The following KIF13A variants were observed in gnomAD, a reference collection of about 807,000 sequenced individuals.
KIF13A encodes kinesin-like protein KIF13A.
A neutral mutation model predicts 212.2 loss-of-function variants in KIF13A; 79 were observed. That is an observed-to-expected ratio of 0.37 (90% confidence interval 0.31 to 0.45). KIF13A has a LOEUF of 0.45. KIF13A is among the 20% of genes least tolerant of loss of function. The pLI is 1.00. For synonymous variants in KIF13A, 789 were observed against 808.6 expected, an observed-to-expected ratio of 0.98 and a Z score of 0.41; for missense variants, 1,901 against 2,209.0, an observed-to-expected ratio of 0.86 and a Z score of 2.79.
At chr6:17,965,531 T>C (rs760740449) in intron 2 of KIF13A, among the ~76,000 whole-genome samples, 5 of 152,252 alleles carry the variant, frequency 3.3e-5, no homozygotes, top group Non-Finnish European at 5.9e-5. Context: ...TAGCTTTTAC[T>C]GAGTCAAAAG....
chr6:17,770,761 T>C, intron 38 of KIF13A: 2 of 980,896 alleles, frequency 2.0e-6, no homozygotes, highest in African/African-American at 1.7e-5. Flanking sequence ...GTAAGTGCAC[T>C]TCCTCTAGGT....
intron 3 of KIF13A, among the ~76,000 whole-genome samples, chr6:17,894,601 A>G (rs544521630): frequency 1.8e-4 from 28 of 152,210 alleles, no homozygotes; most frequent in Non-Finnish European, 3.7e-4. Flanking sequence ...TACTGTTAAG[A>G]ATTGTTTCCC....
chr6:17,799,915 G>A lies in KIF13A; in HGVS notation c.2616+37C>T, dbSNP rs371578372. The A allele has an allele frequency of 1.1e-5, 17 of 1,583,838 alleles. 1 individual carries two copies. Among genetic ancestry groups the A allele is most frequent in the South Asian group, 5.8e-5 (5 of 86,524 alleles). The stretch of plus-strand genomic sequence containing the variant: ...TTGTAAAATGGTTTTGCATGAAAAA[G>A]GTCATTTATATGAGCCTCCCATCAC... On this transcript the variant is annotated intron_variant, in intron 21 of 38. Transcript: ENST00000259711. The surrounding 1 kb of genome is among the most constrained non-coding windows in gnomAD (Gnocchi z 4.4).
chr6:17,809,021 A>C lies in KIF13A; in HGVS notation c.2001-91T>G. 1.7e-6 allele frequency: 2 copies of C among 1,192,130 alleles called. No individual in the cohort carries two copies. The highest frequency in any genetic ancestry group is 2.7e-5 in the East Asian group (1 of 37,304). 73.8% of individuals were successfully genotyped at this position (1,192,130 alleles called of 1,614,324 possible). ...GCATCTTATTAGAAAATGGGAGAAA[A>C]CTCCTCTCGGGCAGTATTTTTCAAA... On this transcript the variant is annotated intron_variant, in intron 17 of 38. Transcript: ENST00000259711. The surrounding 1 kb of genome is among the most constrained non-coding windows in gnomAD (Gnocchi z 4.7).
rs1766148855 is a variant in KIF13A, at chr6:17,838,116, G to A, written c.831-533C>T. Among the ~76,000 whole-genome samples the A allele has an allele frequency of 6.6e-6, 1 of 152,002 alleles. No individual in the cohort carries two copies. Among genetic ancestry groups the A allele is most frequent in the Non-Finnish European group, 1.5e-5 (1 of 68,006 alleles). On this transcript the variant is annotated intron_variant, in intron 9 of 38. Coordinates refer to ENST00000259711, the MANE Select transcript of KIF13A (RefSeq NM_022113.6). This position sits in a 1 kb window ranked among gnomAD's most constrained non-coding sequence, Gnocchi z 4.2. ...TGGATCATGAGGTCAGGGGTCAGGA[G>A]ATCAAGACCATCCTGGCCAACATGG...
At chr6:17,778,102 C>T (rs999900001) in intron 33 of KIF13A, among the ~76,000 whole-genome samples, 42 of 152,152 alleles carry the variant, frequency 2.8e-4, no homozygotes, top group African/African-American at 1.0e-3. Flanking sequence ...TGTGCCACTG[C>T]ACTCCAGCCT....
At chr6:17,890,430 T>C (rs78672372) in intron 3 of KIF13A, among the ~76,000 whole-genome samples, 10 of 152,194 alleles carry the variant, frequency 6.6e-5, no homozygotes, top group Admixed American at 5.2e-4. Context: ...CACCTGGGGA[T>C]GCAGAAACTG....
In KIF13A at chr6:17,987,372, C is replaced by A; in HGVS notation, c.55+37G>T. 7.6e-7 allele frequency: 1 copy of A among 1,323,524 alleles called. No homozygotes were observed. Among genetic ancestry groups the A allele is most frequent in the East Asian group, 4.9e-5 (1 of 20,216 alleles). 82.0% of individuals were successfully genotyped at this position (1,323,524 alleles called of 1,614,324 possible). Reference sequence around the variant, plus strand: ...TTTCTAAAGTTGCCCCCGCCCTCAGCCCGAGCAGAAATAAAAAAGAGCGGA... The same window carrying A: ...TTTCTAAAGTTGCCCCCGCCCTCAGACCGAGCAGAAATAAAAAAGAGCGGA... On this transcript the variant is annotated intron_variant, in intron 1 of 38. Coordinates refer to ENST00000259711, the MANE Select transcript of KIF13A (RefSeq NM_022113.6). The surrounding 1 kb of genome is among the most constrained non-coding windows in gnomAD (Gnocchi z 7.7).
rs752129137 is a variant in KIF13A, at chr6:17,886,652, T to C, written c.159+11516A>G. 2.6e-5 allele frequency among the ~76,000 whole-genome samples: 4 copies of C among 152,046 alleles called. No individual in the cohort carries two copies. Among genetic ancestry groups the C allele is most frequent in the Non-Finnish European group, 4.4e-5 (3 of 68,014 alleles). On this transcript the variant is annotated intron_variant, in intron 3 of 38. Coordinates refer to ENST00000259711, the MANE Select transcript of KIF13A (RefSeq NM_022113.6). This position sits in a 1 kb window ranked among gnomAD's most constrained non-coding sequence, Gnocchi z 5.6. The stretch of plus-strand genomic sequence containing the variant: ...TGAGAACATTTGGTTCTGAACAAAG[T>C]CGGGCAGAAGGAAAGGGGAGAGTAG...
At position 17,871,528 on chromosome 6, in the gene KIF13A, TG is replaced by T. The variant is rs1191471404; in HGVS notation, c.220+1848del. Among the ~76,000 whole-genome samples, 1 of 152,106 alleles carries T rather than the reference TG, an allele frequency of 6.6e-6. No homozygotes were observed. Among genetic ancestry groups the T allele is most frequent in the East Asian group, 1.9e-4 (1 of 5,194 alleles). On this transcript the variant is annotated intron_variant, in intron 4 of 38. Transcript: ENST00000259711. This position sits in a 1 kb window ranked among gnomAD's most constrained non-coding sequence, Gnocchi z 4.4. Reference sequence around the variant, plus strand: ...GGCTTCATGGGCTGCACACACACAGTGGGTTGGGGGGGGAGTCATGAATACT... The same window carrying T: ...GGCTTCATGGGCTGCACACACACAGTGGTTGGGGGGGGAGTCATGAATACT...
rs1346740921 is a variant in KIF13A, at chr6:17,787,961, A to G, written c.3262-86T>C. ...CTTTTTTTAAAAGATGTTTAAATCAACTAGGAAATTTTTCATTAGGAAAAG... is the reference window on the plus strand; with the variant it reads ...CTTTTTTTAAAAGATGTTTAAATCAGCTAGGAAATTTTTCATTAGGAAAAG... On this transcript the variant is annotated intron_variant, in intron 26 of 38. Transcript: ENST00000259711. This position sits in a 1 kb window ranked among gnomAD's most constrained non-coding sequence, Gnocchi z 4.6. The G allele has an allele frequency of 3.7e-6, 3 of 808,996 alleles. No individual in the cohort carries two copies. The highest frequency in any genetic ancestry group is 6.3e-6 in the Non-Finnish European group (3 of 478,166). 50.1% of individuals were successfully genotyped at this position (808,996 alleles called of 1,614,324 possible).
At chr6:17,921,783 C>G (rs1197232421) in intron 2 of KIF13A, among the ~76,000 whole-genome samples, 1 of 152,122 alleles carries the variant, frequency 6.6e-6, no homozygotes, top group Non-Finnish European at 1.5e-5. Flanking sequence ...CTGGTTAAAC[C>G]ACTTGGGCTC....
Position 17,872,648 on chromosome 6 carries a change from T to A in KIF13A, c.220+729A>T, listed in dbSNP as rs1770125063. Among the ~76,000 whole-genome samples, 1 of 152,214 alleles carries A rather than the reference T, an allele frequency of 6.6e-6. No homozygotes were observed. The highest frequency in any genetic ancestry group is 2.4e-5 in the African/African-American group (1 of 41,440). ...CATTTGCCAGTTAGAAAAATAATTT[T>A]TTTTTATTTTTTTGAGACAGAGTCT... On this transcript the variant is annotated intron_variant, in intron 4 of 38. Transcript: ENST00000259711. This position sits in a 1 kb window ranked among gnomAD's most constrained non-coding sequence, Gnocchi z 4.7.
At chr6:17,779,137 GAAC>G (rs779923442) in intron 32 of KIF13A, 38 bp from the exon 33 acceptor site, 3 of 1,582,398 alleles carry the variant, frequency 1.9e-6, no homozygotes, top group Non-Finnish European at 2.6e-6. Flanking sequence ...ACTTTGATGT[GAAC>G]AACGTTTTCA....
Position 17,839,716 on chromosome 6 carries a change from T to A in KIF13A, c.831-2133A>T, listed in dbSNP as rs976483165. Among the ~76,000 whole-genome samples the A allele has an allele frequency of 1.3e-5, 2 of 152,056 alleles. No homozygotes were observed. The highest frequency in any genetic ancestry group is 2.9e-5 in the Non-Finnish European group (2 of 68,014). ...GAGTGATGTCCTTATAAGAAGGTCA[T>A]ATAAAGACACCCAGGGGAGACGGCC... On this transcript the variant is annotated intron_variant, in intron 9 of 38. Coordinates refer to ENST00000259711, the MANE Select transcript of KIF13A (RefSeq NM_022113.6). The surrounding 1 kb of genome is among the most constrained non-coding windows in gnomAD (Gnocchi z 4.3).
In KIF13A at chr6:17,800,104, G is replaced by A. The variant is rs770300082; in HGVS notation, c.2464C>T (p.Arg822Cys). 6.2e-7 allele frequency: 1 copy of A among 1,613,376 alleles called. No homozygotes were observed. Among genetic ancestry groups the A allele is most frequent in the Admixed American group, 1.7e-5 (1 of 59,932 alleles). Residue 822 changes from arginine (R) to cysteine (C), a missense_variant, in exon 21 of 39, where the codon CGT (arginine) becomes TGT (cysteine). This residue lies in a region of KIF13A where 534 missense variants were observed against 536.9 expected (regional missense o/e 0.99). Transcript: ENST00000259711. Reference protein sequence around the residue: ...IISQQGEVAGRLHVEVMRVTG... With the variant: ...IISQQGEVAGCLHVEVMRVTG... ...ACACGCATCACTTCCACGTGGAGAC[G>A]CCCTGCAACCTGGGTCAAGGAACCA...
chr6:17,970,624 A>G (rs1411916689), intron 2 of KIF13A, among the ~76,000 whole-genome samples: 1 of 152,094 alleles, frequency 6.6e-6, no homozygotes, highest in Non-Finnish European at 1.5e-5. Context: ...ATTAATCTTA[A>G]TGCAATATTT....
In KIF13A at chr6:17,908,567, G is replaced by A. The variant is rs371715098; in HGVS notation, c.147-10387C>T. On this transcript the variant is annotated intron_variant, in intron 2 of 38. Coordinates refer to ENST00000259711, the MANE Select transcript of KIF13A (RefSeq NM_022113.6). ...TGCAGTGAGCCATGGTCATGCCACC[G>A]CACTCGAGCCTAGGCGACAGAGCGA... 1.1e-4 allele frequency among the ~76,000 whole-genome samples: 16 copies of A among 152,086 alleles called. No individual in the cohort carries two copies. The East Asian group carries it at 2.1e-3, about 20-fold the overall frequency.
rs1036837897 is a variant in KIF13A, at chr6:17,912,099, A to G, written c.147-13919T>C. 1.3e-5 allele frequency among the ~76,000 whole-genome samples: 2 copies of G among 152,168 alleles called. No homozygotes were observed. The highest frequency in any genetic ancestry group is 2.9e-5 in the Non-Finnish European group (2 of 68,044). ...CTGTACATTTAAAAATAACTAAAAG[A>G]GTATAATTGGATTGTTTGTAATATA... is the stretch of plus-strand genomic sequence containing the variant. On this transcript the variant is annotated intron_variant, in intron 2 of 38. Coordinates refer to ENST00000259711, the MANE Select transcript of KIF13A (RefSeq NM_022113.6). This position sits in a 1 kb window ranked among gnomAD's most constrained non-coding sequence, Gnocchi z 4.2.
Sources: gnomAD v4.1 joint callset for allele counts (sites outside exome capture counted in the v4.1 genomes callset) on GRCh38, gnomAD v4.1.1 for gene constraint, gnomAD v4.1.1 regional missense constraint, Gnocchi (gnomAD v3.1) non-coding constraint, MANE v1.5 for transcripts, NCBI Gene and HGNC (gene_info 2026-07-23, HGNC 2026-07-21) for gene names.